The following LYRM4 variants were observed in gnomAD, a reference collection of about 807,000 sequenced individuals.
The protein encoded by LYRM4 is LYR motif containing 4, also known as LYR motif-containing protein 4.
LYRM4 carries 9 observed loss-of-function variants against 11.7 expected under a neutral mutation model. The ratio of observed to expected loss-of-function variants is 0.77; its 90% CI spans 0.46 to 1.34. The LOEUF is 1.34. Among genes scored for constraint, LYRM4 ranks in the 40% most tolerant of loss-of-function variants. The pLI is 0.00. For synonymous variants in LYRM4, 42 were observed against 40.4 expected (o/e 1.04, Z -0.15); for missense variants, 133 against 112.5 (o/e 1.18, Z -0.82).
At chr6:5,108,203 T>C (rs73717652), downstream of LYRM4, 15,973 of 152,440 alleles carry the variant, frequency 0.1, 930 homozygotes, top group South Asian at 0.23. Flanking sequence ...GGAGTTAAAA[T>C]GAGGGGGTGA....
intron 2 of LYRM4, among the ~76,000 whole-genome samples, chr6:5,203,801 A>G (rs561065181): frequency 3.9e-4 from 60 of 152,324 alleles, no homozygotes; most frequent in African/African-American, 1.4e-3. Context: ...TGGAGAGCAG[A>G]AGCACATGAA....
At chr6:5,252,642 C>T (rs1190958623) in intron 1 of LYRM4, among the ~76,000 whole-genome samples, 1 of 152,106 alleles carries the variant, frequency 6.6e-6, no homozygotes, top group Non-Finnish European at 1.5e-5. Context: ...TAGCTGTATC[C>T]TAATTTTCCA....
chr6:5,058,933 G>A, the LYRM4 span, among the ~76,000 whole-genome samples: 2 of 152,124 alleles, frequency 1.3e-5, no homozygotes, highest in African/African-American at 2.4e-5. Context: ...AGCACATGAC[G>A]AAAATGGAAA....
intron 2 of LYRM4, among the ~76,000 whole-genome samples, chr6:5,109,870 G>A (rs945050811): frequency 1.3e-5 from 2 of 152,224 alleles, no homozygotes; most frequent in Non-Finnish European, 2.9e-5. Context: ...ATAGGGAAGG[G>A]GTTTTAGAAC....
At chr6:5,074,251 A>G in the LYRM4 span, among the ~76,000 whole-genome samples, 5 of 152,302 alleles carry the variant, frequency 3.3e-5, no homozygotes, top group East Asian at 1.9e-4. Context: ...CTGAAGCTTC[A>G]GTAGTTTCAC....
intron 1 of LYRM4, among the ~76,000 whole-genome samples, chr6:5,233,844 C>T (rs1005485872): frequency 1.3e-5 from 2 of 152,224 alleles, no homozygotes; most frequent in African/African-American, 4.8e-5. Context: ...GTTCACGGTC[C>T]CTTCTCCCAA....
chr6:5,070,778 G>T, the LYRM4 span, among the ~76,000 whole-genome samples: 1 of 151,016 alleles, frequency 6.6e-6, no homozygotes, highest in Non-Finnish European at 1.5e-5. Flanking sequence ...AGGCTGAGGT[G>T]GAGGAGTGCT....
At chr6:5,189,171 G>C (rs1209643876) in intron 2 of LYRM4, among the ~76,000 whole-genome samples, 2 of 152,136 alleles carry the variant, frequency 1.3e-5, no homozygotes, top group African/African-American at 4.8e-5. Flanking sequence ...CTAACATCTT[G>C]TTTTTAGATT....
chr6:5,247,970 T>C (rs899578924), intron 1 of LYRM4, among the ~76,000 whole-genome samples: 3 of 152,100 alleles, frequency 2.0e-5, no homozygotes, highest in Admixed American at 2.0e-4. Context: ...TAAGCAGATA[T>C]AGAGGGCTAC....
chr6:5,187,212 C>A (rs535591157), intron 2 of LYRM4, among the ~76,000 whole-genome samples: 60 of 152,280 alleles, frequency 3.9e-4, no homozygotes, highest in African/African-American at 1.4e-3. Flanking sequence ...ATGTGATCTT[C>A]TCAGGGCTGA....
At chr6:5,180,100 T>C (rs1286580737) in intron 2 of LYRM4, among the ~76,000 whole-genome samples, 1 of 152,204 alleles carries the variant, frequency 6.6e-6, no homozygotes, top group Non-Finnish European at 1.5e-5. Flanking sequence ...GATTTGTTTA[T>C]GGGGCTAATC....
intron 1 of LYRM4, among the ~76,000 whole-genome samples, chr6:5,238,873 C>T (rs1328444117): frequency 1.3e-5 from 2 of 152,338 alleles, no homozygotes; most frequent in East Asian, 3.9e-4. Flanking sequence ...TAGTCCGAGA[C>T]TATTAACTGG....
At chr6:5,060,671 G>T in the LYRM4 span, among the ~76,000 whole-genome samples, 30 of 152,056 alleles carry the variant, frequency 2.0e-4, no homozygotes, top group Non-Finnish European at 4.1e-4. Context: ...GGGATTACAG[G>T]CATGCGCCAT....
At chr6:5,066,904 C>A in the LYRM4 span, 1 of 1,159,738 alleles carries the variant, frequency 8.6e-7, no homozygotes, top group African/African-American at 1.6e-5. Flanking sequence ...GCTCCAGACC[C>A]TAAAATGCAA....
chr6:5,120,096 C>T (rs1434198562), intron 2 of LYRM4, among the ~76,000 whole-genome samples: 1 of 151,960 alleles, frequency 6.6e-6, no homozygotes, highest in Non-Finnish European at 1.5e-5. Flanking sequence ...GGGGTTTTGC[C>T]ATATTGGCCA....
chr6:5,185,513 G>A (rs916339095), intron 2 of LYRM4, among the ~76,000 whole-genome samples: 2 of 152,204 alleles, frequency 1.3e-5, no homozygotes, highest in African/African-American at 4.8e-5. Flanking sequence ...GAGATGGGCT[G>A]CATCAAGTGC....
At chr6:5,085,622 A>T in the LYRM4 span, 1 of 1,548,224 alleles carries the variant, frequency 6.5e-7, no homozygotes, top group Non-Finnish European at 8.7e-7. Flanking sequence ...GGCGCTTCGG[A>T]GACCCCGAGT....
intron 1 of LYRM4, among the ~76,000 whole-genome samples, chr6:5,223,931 C>T (rs1762731644): frequency 1.3e-5 from 2 of 152,218 alleles, no homozygotes; most frequent in South Asian, 4.1e-4. Context: ...TAACGGTCAA[C>T]TGCATCGGCA....
chr6:5,062,662 C>T, the LYRM4 span, among the ~76,000 whole-genome samples: 1 of 152,154 alleles, frequency 6.6e-6, no homozygotes, highest in Non-Finnish European at 1.5e-5. Flanking sequence ...CCAGCTGGCT[C>T]TTCTACTGAA....
Sources: gnomAD v4.1 joint callset for allele counts (sites outside exome capture counted in the v4.1 genomes callset) on GRCh38, gnomAD v4.1.1 for gene constraint, MANE v1.5 for transcripts, NCBI Gene and HGNC (gene_info 2026-07-23, HGNC 2026-07-21) for gene names.